The following RALGPS1 variants were observed in gnomAD, a reference collection of about 807,000 sequenced individuals.
The protein encoded by RALGPS1 is Ral GEF with PH domain and SH3 binding motif 1, also known as ras-specific guanine nucleotide-releasing factor RalGPS1.
RALGPS1 carries 19 observed loss-of-function variants against 78.8 expected under a neutral mutation model. That is an observed-to-expected ratio of 0.24 (90% CI 0.17 to 0.35). The LOEUF is 0.35. Ranked by LOEUF, RALGPS1 falls within the 10% of genes least tolerant of loss-of-function variation. The pLI is 1.00. For synonymous variants in RALGPS1, 228 were observed against 256.3 expected (o/e 0.89, Z 1.06); for missense variants, 454 against 688.3 (o/e 0.66, Z 3.81).
At chr9:127,207,109 C>A (rs2061976764) in intron 14 of RALGPS1, among the ~76,000 whole-genome samples, 1 of 152,062 alleles carries the variant, frequency 6.6e-6, no homozygotes, top group South Asian at 2.1e-4. Context: ...CCACCGTTAC[C>A]ACCATCACCA....
intron 4 of RALGPS1, among the ~76,000 whole-genome samples, chr9:127,026,863 A>T (rs2046003575): frequency 3.3e-5 from 5 of 152,268 alleles, no homozygotes; most frequent in Admixed American, 3.3e-4. Context: ...CTGTCAGCAA[A>T]ACGAGGCGAC....
intron 8 of RALGPS1, among the ~76,000 whole-genome samples, chr9:127,130,962 A>C (rs1451768359): frequency 1.3e-5 from 2 of 152,244 alleles, no homozygotes; most frequent in Non-Finnish European, 2.9e-5. Context: ...CTCTTTCAAC[A>C]TACAGTGTTT....
At chr9:127,102,677 A>G (rs1392175576) in intron 8 of RALGPS1, among the ~76,000 whole-genome samples, 3 of 152,156 alleles carry the variant, frequency 2.0e-5, no homozygotes, top group Non-Finnish European at 2.9e-5. Context: ...TCAGTTCCCC[A>G]AGGTACCAGA....
chr9:126,950,519 A>G, intron 1 of RALGPS1, among the ~76,000 whole-genome samples: 1 of 152,148 alleles, frequency 6.6e-6, no homozygotes. Context: ...ACTCACTCAA[A>G]ACTGCTCAAC....
intron 8 of RALGPS1, among the ~76,000 whole-genome samples, chr9:127,076,486 C>T (rs574789351): frequency 1.3e-4 from 20 of 152,184 alleles, no homozygotes; most frequent in Admixed American, 5.9e-4. Flanking sequence ...ATTTCTAGAA[C>T]GTAAGTTATT....
intron 1 of RALGPS1, among the ~76,000 whole-genome samples, chr9:126,944,225 A>G (rs1166940424): frequency 6.6e-6 from 1 of 152,216 alleles, no homozygotes; most frequent in Non-Finnish European, 1.5e-5. Flanking sequence ...TTCACCACAC[A>G]TCTCACAGCA....
At chr9:126,926,954 A>G (rs541143671) in intron 1 of RALGPS1, among the ~76,000 whole-genome samples, 26 of 152,182 alleles carry the variant, frequency 1.7e-4, no homozygotes, top group Admixed American at 1.4e-3. Flanking sequence ...GGTTGGTAGG[A>G]GGAAGGTTGT....
chr9:126,923,930 T>C (rs1365736542), intron 1 of RALGPS1, among the ~76,000 whole-genome samples: 1 of 152,280 alleles, frequency 6.6e-6, no homozygotes, highest in Non-Finnish European at 1.5e-5. Context: ...ATTTCTTTAA[T>C]GTATCTCTGG....
chr9:127,202,918 G>A (rs368139357), intron 14 of RALGPS1, among the ~76,000 whole-genome samples: 7 of 151,838 alleles, frequency 4.6e-5, no homozygotes, highest in African/African-American at 1.5e-4. Context: ...GGCAGCGGCC[G>A]CAGGGCATTC....
chr9:127,009,790 A>G (rs931802669), intron 4 of RALGPS1, among the ~76,000 whole-genome samples: 1 of 152,126 alleles, frequency 6.6e-6, no homozygotes, highest in African/African-American at 2.4e-5. Flanking sequence ...TACCTGTGAG[A>G]TAGAGTACTG....
intron 7 of RALGPS1, among the ~76,000 whole-genome samples, chr9:127,060,582 G>A (rs1210990975): frequency 1.3e-5 from 2 of 152,092 alleles, no homozygotes; most frequent in Non-Finnish European, 2.9e-5. Context: ...TCTCGAATGG[G>A]TTGGCAGAGG....
chr9:127,121,595 A>G (rs1198949830), intron 8 of RALGPS1, among the ~76,000 whole-genome samples: 1 of 152,234 alleles, frequency 6.6e-6, no homozygotes, highest in Non-Finnish European at 1.5e-5. Flanking sequence ...GTTATCTAAT[A>G]CTGAGTGCTT....
Position 127,030,085 on chromosome 9 carries a change from C to T in RALGPS1, c.217-4346C>T, listed in dbSNP as rs569842082. Among the ~76,000 whole-genome samples, 14 of 152,216 alleles carry T rather than the reference C, an allele frequency of 9.2e-5. No homozygotes were observed. In the East Asian group the frequency reaches 1.7e-3, roughly 19 times the overall value. On this transcript the variant is annotated intron_variant, in intron 4 of 18. Coordinates refer to ENST00000259351, the MANE Select transcript of RALGPS1 (RefSeq NM_014636.3). ...GTCTAAATGAATTTTTTGTTGTTAACGTGTTTTTTATTTAAGGCAGCTGGT... is the reference window on the plus strand; with the variant it reads ...GTCTAAATGAATTTTTTGTTGTTAATGTGTTTTTTATTTAAGGCAGCTGGT...
intron 1 of RALGPS1, among the ~76,000 whole-genome samples, chr9:126,924,627 G>A (rs2035089440): frequency 6.6e-6 from 1 of 152,216 alleles, no homozygotes; most frequent in Admixed American, 6.5e-5. Flanking sequence ...ATCTGAGATT[G>A]TGTTATGAGG....
intron 5 of RALGPS1, among the ~76,000 whole-genome samples, chr9:127,038,548 C>G (rs979559403): frequency 6.6e-6 from 1 of 152,200 alleles, no homozygotes; most frequent in Non-Finnish European, 1.5e-5. Flanking sequence ...TGTAATACTC[C>G]CTTTTATATG....
Position 127,064,410 on chromosome 9 carries a change from A to G in RALGPS1, c.484-4820A>G, listed in dbSNP as rs1311956306. The stretch of plus-strand genomic sequence containing the variant: ...TATTTTCTGAGTAAACAAACCCTAT[A>G]TTTAAAAAATTAAACCTAAAAAACT... On this transcript the variant is annotated intron_variant, in intron 7 of 18. Transcript: ENST00000259351. Among the ~76,000 whole-genome samples the G allele has an allele frequency of 2.0e-5, 3 of 152,244 alleles. No homozygotes were observed. In the East Asian group the frequency reaches 5.8e-4, roughly 29 times the overall value.
intron 18 of RALGPS1, chr9:127,217,325 A>T: frequency 9.7e-7 from 1 of 1,034,476 alleles, no homozygotes; most frequent in Non-Finnish European, 1.2e-6. Context: ...GTAATAATAA[A>T]AAGTTGACAA....
chr9:127,078,986 T>G (rs2050930754), intron 8 of RALGPS1, among the ~76,000 whole-genome samples: 1 of 152,248 alleles, frequency 6.6e-6, no homozygotes, highest in African/African-American at 2.4e-5. Flanking sequence ...ATGAACAAGA[T>G]TCACATTAAA....
chr9:126,928,339 G>A (rs1296913465), intron 1 of RALGPS1, among the ~76,000 whole-genome samples: 5 of 152,140 alleles, frequency 3.3e-5, no homozygotes, highest in South Asian at 2.1e-4. Context: ...ACTGACCATC[G>A]TGGTGTGATG....
Sources: gnomAD v4.1 joint callset for allele counts (sites outside exome capture counted in the v4.1 genomes callset) on GRCh38, gnomAD v4.1.1 for gene constraint, MANE v1.5 for transcripts, NCBI Gene and HGNC (gene_info 2026-07-23, HGNC 2026-07-21) for gene names.